Variants in RBFOX1 observed in about 807,000 individuals in gnomAD.
The protein encoded by RBFOX1 is RNA binding protein fox-1 homolog 1.
In RBFOX1, 8 loss-of-function variants were observed where a neutral mutation model predicts 57.7. The observed-to-expected ratio is 0.14, with a 90% CI of 0.08 to 0.25. The LOEUF is 0.25. Among genes scored for constraint, RBFOX1 ranks in the 10% least tolerant of loss-of-function variants. RBFOX1 has a pLI of 1.00. For synonymous variants in RBFOX1, 326 were observed against 222.4 expected (o/e 1.47, Z -4.15); for missense variants, 611 against 548.5 (o/e 1.11, Z -1.14).
chr16:6,976,311 A>G (rs2153579035), intron 3 of RBFOX1, among the ~76,000 whole-genome samples: 1 of 152,308 alleles, frequency 6.6e-6, no homozygotes, highest in African/African-American at 2.4e-5. Context: ...TTCTGGCTTT[A>G]GAGGCCACAC....
intron 11 of RBFOX1, 112 bp from the exon 12 acceptor site, chr16:7,653,703 G>A: frequency 1.4e-6 from 2 of 1,468,406 alleles, no homozygotes; most frequent in East Asian, 2.4e-5. Context: ...AGCGGGCGGG[G>A]GTCCTGCTGG....
chr16:7,687,118 C>T (rs1376015597), intron 14 of RBFOX1, among the ~76,000 whole-genome samples: 1 of 152,032 alleles, frequency 6.6e-6, no homozygotes, highest in Non-Finnish European at 1.5e-5. Context: ...TTTCTATAAT[C>T]AATCTGTTTG....
chr16:5,818,297 G>A (rs1216630190), intron 3 of RBFOX1, among the ~76,000 whole-genome samples: 9 of 152,176 alleles, frequency 5.9e-5, no homozygotes, highest in African/African-American at 9.7e-5. Context: ...CCATTACCCC[G>A]GCAGGAAAGC....
chr16:6,714,979 G>T (rs1399991112), intron 3 of RBFOX1, among the ~76,000 whole-genome samples: 1 of 152,146 alleles, frequency 6.6e-6, no homozygotes, highest in Non-Finnish European at 1.5e-5. Context: ...GTTAAGCCTC[G>T]AAGATGGGTA....
At chr16:6,851,046 GAAC>G (rs2094031617) in intron 3 of RBFOX1, among the ~76,000 whole-genome samples, 1 of 152,086 alleles carries the variant, frequency 6.6e-6, no homozygotes, top group African/African-American at 2.4e-5. Flanking sequence ...CAATAAAAAA[GAAC>G]AAATTATTGA....
intron 3 of RBFOX1, among the ~76,000 whole-genome samples, chr16:5,819,643 C>T (rs2151800338): frequency 6.6e-6 from 1 of 152,332 alleles, no homozygotes; most frequent in Non-Finnish European, 1.5e-5. Context: ...CTTGACATTT[C>T]CTATCCAAGT....
chr16:6,549,709 C>G (rs955176538), intron 2 of RBFOX1, among the ~76,000 whole-genome samples: 2 of 152,046 alleles, frequency 1.3e-5, no homozygotes, highest in Non-Finnish European at 2.9e-5. Flanking sequence ...AGTGGCTGGT[C>G]TCCAGCCTCA....
intron 3 of RBFOX1, among the ~76,000 whole-genome samples, chr16:5,810,044 A>C (rs1186827298): frequency 6.6e-6 from 1 of 152,124 alleles, no homozygotes; most frequent in Non-Finnish European, 1.5e-5. Flanking sequence ...ATGAAATTGG[A>C]AATCATCATT....
chr16:7,106,873 G>A (rs1332979470), intron 4 of RBFOX1, among the ~76,000 whole-genome samples: 1 of 152,014 alleles, frequency 6.6e-6, no homozygotes, highest in African/African-American at 2.4e-5. Context: ...CATGAAACAA[G>A]TATTTATCAT....
intron 4 of RBFOX1, among the ~76,000 whole-genome samples, chr16:7,120,366 A>C (rs1191381793): frequency 1.3e-5 from 2 of 152,072 alleles, no homozygotes; most frequent in Non-Finnish European, 2.9e-5. Flanking sequence ...TTTGAAAATC[A>C]AAAAGCAATC....
chr16:6,934,604 G>A (rs1460802158), intron 3 of RBFOX1, among the ~76,000 whole-genome samples: 1 of 152,144 alleles, frequency 6.6e-6, no homozygotes, highest in Admixed American at 6.5e-5. Context: ...CAGCACAGAT[G>A]GAACTGGAGG....
rs192753006 is a variant in RBFOX1, at chr16:7,276,713, C to G, written c.27+224615C>G. Among the ~76,000 whole-genome samples the G allele has an allele frequency of 3.2e-3, 484 of 152,210 alleles. 2 individuals carry two copies. The highest frequency in any genetic ancestry group is 5.6e-3 in the Admixed American group (86 of 15,284). On this transcript the variant is annotated intron_variant, in intron 4 of 15. Coordinates refer to ENST00000550418, the MANE Select transcript of RBFOX1 (RefSeq NM_018723.4). ...GCACTGAGTTATGTAATGATTTGAT[C>G]GTGTTGAGGAGTAATTCACCTTTGT...
intron 4 of RBFOX1, among the ~76,000 whole-genome samples, chr16:7,466,741 A>G (rs1401884828): frequency 1.3e-5 from 2 of 152,222 alleles, no homozygotes; most frequent in African/African-American, 2.4e-5. Context: ...AGGTATCCAC[A>G]TCATTCCTAG....
chr16:7,403,118 T>C (rs752129324), intron 4 of RBFOX1, among the ~76,000 whole-genome samples: 4 of 152,204 alleles, frequency 2.6e-5, no homozygotes, highest in Admixed American at 6.5e-5. Flanking sequence ...TTAACAAATA[T>C]AAATTATGTA....
intron 6 of RBFOX1, among the ~76,000 whole-genome samples, chr16:7,583,165 T>C (rs1244954917): frequency 1.7e-5 from 2 of 119,474 alleles, no homozygotes; most frequent in African/African-American, 3.0e-5. Context: ...TTTTTTTTTT[T>C]CTCATTTGAG....
chr16:5,623,685 T>A (rs2048265169), intron 3 of RBFOX1, among the ~76,000 whole-genome samples: 1 of 152,086 alleles, frequency 6.6e-6, no homozygotes, highest in African/African-American at 2.4e-5. Flanking sequence ...TCTCCCTACC[T>A]CCTTCCCTTT....
intron 2 of RBFOX1, among the ~76,000 whole-genome samples, chr16:5,592,347 T>C (rs952853843): frequency 1.3e-5 from 2 of 152,002 alleles, no homozygotes; most frequent in African/African-American, 4.8e-5. Context: ...TTTAAATCTT[T>C]TGTTTTGAGG....
intron 3 of RBFOX1, among the ~76,000 whole-genome samples, chr16:6,728,885 T>A (rs1446380492): frequency 6.6e-6 from 1 of 152,188 alleles, no homozygotes; most frequent in African/African-American, 2.4e-5. Context: ...AATTTTTAGA[T>A]AATGATATAT....
intron 3 of RBFOX1, among the ~76,000 whole-genome samples, chr16:5,735,782 AG>A (rs2052548566): frequency 6.6e-6 from 1 of 152,116 alleles, no homozygotes; most frequent in South Asian, 2.1e-4. Flanking sequence ...AGGCTGAAGC[AG>A]GAGAATCGCT....
Sources: gnomAD v4.1 joint callset for allele counts (sites outside exome capture counted in the v4.1 genomes callset) on GRCh38, gnomAD v4.1.1 for gene constraint, MANE v1.5 for transcripts, NCBI Gene and HGNC (gene_info 2026-07-23, HGNC 2026-07-21) for gene names.